Variants in LSAMP observed in about 807,000 individuals in gnomAD.
The protein encoded by LSAMP is limbic system associated membrane protein.
LSAMP carries 7 observed loss-of-function variants against 38.6 expected under a neutral mutation model. The ratio of observed to expected loss-of-function variants is 0.18; its 90% CI spans 0.10 to 0.34. The LOEUF is 0.34. Ranked by LOEUF, LSAMP falls within the 10% of genes least tolerant of loss-of-function variation. The pLI is 1.00. For synonymous variants in LSAMP, 154 were observed against 166.8 expected, an observed-to-expected ratio of 0.92 and a Z score of 0.59; for missense variants, 313 against 420.0, an observed-to-expected ratio of 0.75 and a Z score of 2.23.
intron 1 of LSAMP, among the ~76,000 whole-genome samples, chr3:116,343,226 A>C (rs2048020642): frequency 6.6e-6 from 1 of 151,908 alleles, no homozygotes; most frequent in Admixed American, 6.6e-5. Context: ...CTCAGGGGAA[A>C]CTTTAAAAAG....
At chr3:115,837,441 C>T (rs556163530) in intron 6 of LSAMP, among the ~76,000 whole-genome samples, 176 of 151,650 alleles carry the variant, frequency 1.2e-3, no homozygotes, top group African/African-American at 4.1e-3. Context: ...TCCTCCTAGA[C>T]CAAACGCTGA....
intron 3 of LSAMP, among the ~76,000 whole-genome samples, chr3:116,012,019 T>C (rs1465279351): frequency 6.6e-6 from 1 of 152,196 alleles, no homozygotes; most frequent in East Asian, 1.9e-4. Flanking sequence ...GGAAAGTCCA[T>C]TGTGGACAGT....
At chr3:116,192,044 T>A (rs1221013623) in intron 1 of LSAMP, among the ~76,000 whole-genome samples, 1 of 152,144 alleles carries the variant, frequency 6.6e-6, no homozygotes, top group Non-Finnish European at 1.5e-5. Flanking sequence ...ATAACAAACA[T>A]AACCTAACCT....
chr3:115,829,644 A>G (rs1314685633), intron 6 of LSAMP, among the ~76,000 whole-genome samples: 1 of 152,226 alleles, frequency 6.6e-6, no homozygotes, highest in African/African-American at 2.4e-5. Context: ...TATGAAGGGC[A>G]TCCGCTGAAA....
chr3:116,180,316 G>T (rs1006799373), intron 1 of LSAMP, among the ~76,000 whole-genome samples: 1 of 151,692 alleles, frequency 6.6e-6, no homozygotes, highest in Non-Finnish European at 1.5e-5. Context: ...AATACAAGAT[G>T]CAATGAGAGT....
Position 115,841,783 on chromosome 3 carries a change from C to T in LSAMP, c.919+62G>A, listed in dbSNP as rs1459256136. The T allele has an allele frequency of 3.4e-5, 52 of 1,530,566 alleles. No homozygotes were observed. In the South Asian group the frequency reaches 4.0e-4, roughly 12 times the overall value. 94.8% of individuals were successfully genotyped at this position (1,530,566 alleles called of 1,614,324 possible). A position where few individuals can be genotyped will look rare whatever the true frequency, so the allele number is the denominator to read the frequency against. Reference sequence around the variant, plus strand: ...TTAATAGCTAAGGGAATGGTTTTCACGTTTTTCATGTGAAAAGTCAATTTA... The same window carrying T: ...TTAATAGCTAAGGGAATGGTTTTCATGTTTTTCATGTGAAAAGTCAATTTA... On this transcript the variant is annotated intron_variant, in intron 6 of 6. Transcript: ENST00000490035.
In LSAMP at chr3:116,443,601, C is replaced by T. The variant is rs77476447; in HGVS notation, c.155+1276G>A. Among the ~76,000 whole-genome samples the T allele has an allele frequency of 5.6e-3, 845 of 152,236 alleles. 5 individuals carry two copies. The highest frequency in any genetic ancestry group is 0.019 in the African/African-American group (794 of 41,532). On this transcript the variant is annotated intron_variant, in intron 1 of 6. Transcript: ENST00000490035. ...AAAGGAAAGAAAACTTTGCTGCTGT[C>T]GGCAGCTCTGCTAGAGAACTGCTCC...
chr3:116,183,476 A>G (rs1710537552), intron 1 of LSAMP, among the ~76,000 whole-genome samples: 2 of 151,878 alleles, frequency 1.3e-5, no homozygotes, highest in South Asian at 4.1e-4. Context: ...GGTTAGTTAG[A>G]GCATATGGGC....
At position 116,298,389 on chromosome 3, in the gene LSAMP, G is replaced by A. The variant is rs866220394; in HGVS notation, c.155+146488C>T. 2.6e-5 allele frequency among the ~76,000 whole-genome samples: 4 copies of A among 151,878 alleles called. 1 individual carries two copies. The South Asian group carries it at 6.2e-4, about 24-fold the overall frequency. On this transcript the variant is annotated intron_variant, in intron 1 of 6. Coordinates refer to ENST00000490035, the MANE Select transcript of LSAMP (RefSeq NM_002338.5). ...AGCTTTATATTTGCTGGCTCCACAT[G>A]TCTGAATGCATTTGAGAGATGTATG... is the stretch of plus-strand genomic sequence containing the variant.
At chr3:115,963,521 G>A (rs1258699020) in intron 3 of LSAMP, among the ~76,000 whole-genome samples, 1 of 152,168 alleles carries the variant, frequency 6.6e-6, no homozygotes, top group Non-Finnish European at 1.5e-5. Flanking sequence ...CATTACCCAT[G>A]TGCTTGAATG....
rs150142874 is a variant in LSAMP at position 116,295,517 on chromosome 3, C to G, written c.155+149360G>C. The stretch of plus-strand genomic sequence containing the variant: ...AGATTTAAACTTTCTATTATGTGGT[C>G]AGTCCCAAGGTCTAGTCACCAGGAA... On this transcript the variant is annotated intron_variant, in intron 1 of 6. Coordinates refer to ENST00000490035, the MANE Select transcript of LSAMP (RefSeq NM_002338.5). Among the ~76,000 whole-genome samples, 582 of 152,280 alleles carry G rather than the reference C, an allele frequency of 3.8e-3. 6 individuals are homozygous for G. The highest frequency in any genetic ancestry group is 0.013 in the African/African-American group (559 of 41,556).
chr3:116,129,424 G>A (rs1018644348), intron 1 of LSAMP, among the ~76,000 whole-genome samples: 9 of 152,092 alleles, frequency 5.9e-5, no homozygotes, highest in Non-Finnish European at 1.3e-4. Context: ...CCTACCTTGG[G>A]TAAATAGCAT....
intron 1 of LSAMP, among the ~76,000 whole-genome samples, chr3:116,391,373 A>G (rs1013430358): frequency 6.6e-6 from 1 of 151,816 alleles, no homozygotes. Flanking sequence ...ACCCACTCGC[A>G]GGCCAGGAAC....
chr3:116,317,911 G>A (rs1416770394), intron 1 of LSAMP, among the ~76,000 whole-genome samples: 5 of 151,570 alleles, frequency 3.3e-5, no homozygotes, highest in African/African-American at 1.2e-4. Context: ...TGAGGTAGGC[G>A]GATCACTTGA....
rs148414029 is a variant in LSAMP at position 116,209,149 on chromosome 3, A to C, written c.156-122593T>G. 7.7e-3 allele frequency among the ~76,000 whole-genome samples: 1,176 copies of C among 152,248 alleles called. 11 individuals are homozygous for C. The highest frequency in any genetic ancestry group is 0.02 in the Middle Eastern group (6 of 294). On this transcript the variant is annotated intron_variant, in intron 1 of 6. Transcript: ENST00000490035. ...CCGAAAAGCGCAGTATTCGGGTGGGAGTGACCCGATTTTCCAGGTGAGTCC... is the reference window on the plus strand; with the variant it reads ...CCGAAAAGCGCAGTATTCGGGTGGGCGTGACCCGATTTTCCAGGTGAGTCC...
At chr3:116,407,745 C>A (rs550280309) in intron 1 of LSAMP, among the ~76,000 whole-genome samples, 23 of 152,132 alleles carry the variant, frequency 1.5e-4, no homozygotes, top group African/African-American at 5.5e-4. Context: ...GCAAGCTGAG[C>A]ATGACAGGAA....
At chr3:115,901,588 C>T (rs765612934) in intron 3 of LSAMP, among the ~76,000 whole-genome samples, 20 of 152,254 alleles carry the variant, frequency 1.3e-4, no homozygotes, top group African/African-American at 2.6e-4. Flanking sequence ...CCTATCTCAA[C>T]GTATAGCATC....
At chr3:115,917,721 G>A (rs1352744308) in intron 3 of LSAMP, among the ~76,000 whole-genome samples, 1 of 151,050 alleles carries the variant, frequency 6.6e-6, no homozygotes, top group African/African-American at 2.4e-5. Flanking sequence ...GTAGGGAGAT[G>A]GGTTAATTTG....
intron 1 of LSAMP, among the ~76,000 whole-genome samples, chr3:116,232,949 T>A (rs1576449550): frequency 1.3e-5 from 2 of 152,206 alleles, no homozygotes; most frequent in South Asian, 4.1e-4. Context: ...GGGAAATTTA[T>A]TTAATACCCC....
Sources: allele counts gnomAD v4.1 joint callset (sites outside exome capture counted in the v4.1 genomes callset), GRCh38; gene constraint gnomAD v4.1.1; transcripts MANE v1.5; gene names NCBI Gene and HGNC (gene_info 2026-07-23, HGNC 2026-07-21).